The following POU2F1 variants were observed in gnomAD, a reference collection of about 807,000 sequenced individuals.
The protein encoded by POU2F1 is POU class 2 homeobox 1, also known as POU domain, class 2, transcription factor 1.
Under a neutral mutation model 84.9 loss-of-function variants are expected in POU2F1, and 16 were observed. The observed-to-expected ratio is 0.19, with a 90% CI of 0.13 to 0.29. POU2F1 has a LOEUF of 0.29. Among genes scored for constraint, POU2F1 ranks in the 10% least tolerant of loss-of-function variants. The probability of loss-of-function intolerance (pLI) is 1.00; values close to 1 mark genes in which losing one functional copy is unlikely to be tolerated. For synonymous variants in POU2F1, 368 were observed against 368.3 expected (o/e 1.00, Z 0.01); for missense variants, 738 against 942.6 (o/e 0.78, Z 2.84).
At position 167,355,776 on chromosome 1, in the gene POU2F1, C is replaced by T. The variant is rs117630663; in HGVS notation, c.128-9691C>T. Among the ~76,000 whole-genome samples the T allele has an allele frequency of 7.2e-5, 11 of 151,958 alleles. No individual in the cohort carries two copies. In the East Asian group the frequency reaches 1.2e-3, roughly 16 times the overall value. ...TCTCAAATCTCTGGGATTATAAGTG[C>T]GAGCCTCCATGCCCAGCCATGTCTT... is the stretch of plus-strand genomic sequence containing the variant. On this transcript the variant is annotated intron_variant, in intron 2 of 15. Transcript: ENST00000367866.
chr1:167,283,166 T>G (rs540610608), intron 1 of POU2F1, among the ~76,000 whole-genome samples: 50 of 152,326 alleles, frequency 3.3e-4, no homozygotes, highest in African/African-American at 1.2e-3. Context: ...AACTAAATCT[T>G]ATCAACTTAA....
intron 1 of POU2F1, among the ~76,000 whole-genome samples, chr1:167,325,257 G>A (rs965170203): frequency 1.3e-5 from 2 of 152,170 alleles, no homozygotes; most frequent in Non-Finnish European, 2.9e-5. Context: ...GTACTGTTGA[G>A]ATTGGCTGGG....
rs1324584637 is a variant in POU2F1 at position 167,418,926 on chromosome 1, C to T, written c.*3116C>T. Reference sequence around the variant, plus strand: ...TCTTTAGATAAAAATAAATTTTTTTCTCTTTTTTTACTTATTTAAAAATAA... The same window carrying T: ...TCTTTAGATAAAAATAAATTTTTTTTTCTTTTTTTACTTATTTAAAAATAA... On this transcript the variant is annotated 3_prime_UTR_variant, in exon 16 of 16. Coordinates refer to ENST00000367866, the MANE Select transcript of POU2F1 (RefSeq NM_002697.4). 6.6e-6 allele frequency: 1 copy of T among 151,936 alleles called. No individual in the cohort carries two copies. The highest frequency in any genetic ancestry group is 2.4e-5 in the African/African-American group (1 of 41,380). The allele number at this position is 151,936 out of a possible 1,614,324, so 9.4% of individuals were successfully genotyped here.
chr1:167,301,378 T>C (rs1033262344), intron 1 of POU2F1, among the ~76,000 whole-genome samples: 4 of 152,256 alleles, frequency 2.6e-5, no homozygotes, highest in African/African-American at 9.6e-5. Flanking sequence ...TGCGTTATTT[T>C]GTTTAACATT....
chr1:167,357,465 C>T (rs1659037339), intron 2 of POU2F1: 1 of 147,508 alleles, frequency 6.8e-6, no homozygotes, highest in South Asian at 2.2e-4. Context: ...ACTGCGGCCT[C>T]AACCTTCTGG....
chr1:167,378,099 C>T (rs1256166151), intron 7 of POU2F1, among the ~76,000 whole-genome samples: 1 of 152,212 alleles, frequency 6.6e-6, no homozygotes, highest in African/African-American at 2.4e-5. Flanking sequence ...AATGGCAATT[C>T]TAAGTTCTTT....
At chr1:167,223,742 C>T (rs990900696) in intron 1 of POU2F1, among the ~76,000 whole-genome samples, 1 of 152,042 alleles carries the variant, frequency 6.6e-6, no homozygotes, top group Non-Finnish European at 1.5e-5. Flanking sequence ...AAAAAAAAAT[C>T]TGTAGCTTTT....
chr1:167,303,796 G>T (rs1355947742), intron 1 of POU2F1, among the ~76,000 whole-genome samples: 3 of 152,096 alleles, frequency 2.0e-5, no homozygotes, highest in South Asian at 4.1e-4. Flanking sequence ...GTTTAGGATT[G>T]GCCCTAGTTC....
chr1:167,222,185 C>T (rs1041937280), intron 1 of POU2F1, among the ~76,000 whole-genome samples: 2 of 152,142 alleles, frequency 1.3e-5, no homozygotes, highest in African/African-American at 4.8e-5. Flanking sequence ...ACAAGTTGAT[C>T]GTATTCTCGA....
intron 1 of POU2F1, among the ~76,000 whole-genome samples, chr1:167,266,616 C>T (rs1651977266): frequency 6.7e-6 from 1 of 150,212 alleles, no homozygotes; most frequent in African/African-American, 2.5e-5. Flanking sequence ...TTTGGTAATA[C>T]TATTAATTTT....
At chr1:167,396,665 T>A in intron 10 of POU2F1, 1 of 445,450 alleles carries the variant, frequency 2.2e-6, no homozygotes, top group South Asian at 3.1e-5. Flanking sequence ...GAAATACTCT[T>A]GTATTTGAGC....
intron 1 of POU2F1, among the ~76,000 whole-genome samples, chr1:167,225,528 A>G (rs1218782556): frequency 2.0e-5 from 3 of 152,242 alleles, no homozygotes; most frequent in South Asian, 2.1e-4. Context: ...GGATTTTGCA[A>G]TAAGTTCAGG....
In POU2F1 at chr1:167,413,019, C is replaced by T; in HGVS notation, c.1902-7C>T. 1 of 1,612,084 alleles carries T rather than the reference C, an allele frequency of 6.2e-7. No individual in the cohort carries two copies. Among genetic ancestry groups the T allele is most frequent in the Non-Finnish European group, 8.5e-7 (1 of 1,178,202 alleles). ...GTAATAAAGTGACTCCTCTTTTGGA[C>T]TTGCAGAGGTGCCTTACTCAGTCTG... On this transcript the variant is annotated splice_region_variant and splice_polypyrimidine_tract_variant and intron_variant, in intron 14 of 15. Coordinates refer to ENST00000367866, the MANE Select transcript of POU2F1 (RefSeq NM_002697.4).
At chr1:167,375,976 AG>A (rs1660298914) in intron 6 of POU2F1, 52 bp from the exon 7 acceptor site, 1 of 1,603,552 alleles carries the variant, frequency 6.2e-7, no homozygotes. Context: ...CTTATAATTA[AG>A]CGAACTTTTA....
intron 1 of POU2F1, among the ~76,000 whole-genome samples, chr1:167,223,926 TTTA>T (rs1478493855): frequency 6.6e-6 from 1 of 152,192 alleles, no homozygotes; most frequent in East Asian, 1.9e-4. Flanking sequence ...GTTAATTTGA[TTTA>T]TTGTCCTGAG....
intron 1 of POU2F1, among the ~76,000 whole-genome samples, 160 bp from the exon 2 acceptor site, chr1:167,332,310 A>G (rs530265506): frequency 2.0e-5 from 3 of 152,230 alleles, no homozygotes; most frequent in East Asian, 3.9e-4. Flanking sequence ...ACCTTTTATT[A>G]TAATTTCTAG....
chr1:167,278,435 T>C (rs1237873205), intron 1 of POU2F1, among the ~76,000 whole-genome samples: 1 of 152,236 alleles, frequency 6.6e-6, no homozygotes, highest in Non-Finnish European at 1.5e-5. Context: ...AGGGATTTCA[T>C]AGATAATGGT....
intron 13 of POU2F1, among the ~76,000 whole-genome samples, chr1:167,410,180 C>T (rs1649855264): frequency 6.6e-6 from 1 of 152,140 alleles, no homozygotes. Context: ...GAAGGGTAGA[C>T]AGAGGAAGAA....
chr1:167,364,518 A>G, intron 2 of POU2F1, among the ~76,000 whole-genome samples: 1 of 1,302 alleles, frequency 7.7e-4, no homozygotes, highest in Admixed American at 9.1e-3. Flanking sequence ...CGACAGAGCG[A>G]GCTCCGTCTC....
Sources: allele counts gnomAD v4.1 joint callset (sites outside exome capture counted in the v4.1 genomes callset), GRCh38; gene constraint gnomAD v4.1.1; transcripts MANE v1.5; gene names NCBI Gene and HGNC (gene_info 2026-07-23, HGNC 2026-07-21).